The following PKD1L1 variants were observed in gnomAD, a reference collection of about 807,000 sequenced individuals.
PKD1L1 encodes polycystin 1 like 1, transient receptor potential channel interacting.
Under a neutral mutation model 323.4 loss-of-function variants are expected in PKD1L1, and 236 were observed. That is an observed-to-expected ratio of 0.73 (90% CI 0.66 to 0.81). The LOEUF is 0.81. Among genes scored for constraint, PKD1L1 ranks in the 40% least tolerant of loss-of-function variants. The probability of loss-of-function intolerance (pLI) is 0.00; values close to 1 mark genes in which losing one functional copy is unlikely to be tolerated. For missense variants in PKD1L1, 3,320 were observed against 3,508.0 expected, an observed-to-expected ratio of 0.95 and a Z score of 1.35; for synonymous variants, 1,344 against 1,335.0, an observed-to-expected ratio of 1.01 and a Z score of -0.15.
upstream of PKD1L1, among the ~76,000 whole-genome samples, chr7:47,950,041 C>G (rs1489940971): frequency 6.6e-6 from 1 of 152,182 alleles, no homozygotes; most frequent in Non-Finnish European, 1.5e-5. Flanking sequence ...TGCATACTTT[C>G]CAATTTCATT....
In PKD1L1 at chr7:47,833,153, C is replaced by G; in HGVS notation, c.6274G>C (p.Gly2092Arg). The G allele has an allele frequency of 6.2e-7, 1 of 1,612,718 alleles. No individual in the cohort carries two copies. Among genetic ancestry groups the G allele is most frequent in the Non-Finnish European group, 8.5e-7 (1 of 1,179,492 alleles). ...AGAGAAGTCCTGCTGTGGTCAGCCCCATGAACCTGCAGCTTAGGGGCTGGA... is the reference window on the plus strand; with the variant it reads ...AGAGAAGTCCTGCTGTGGTCAGCCCGATGAACCTGCAGCTTAGGGGCTGGA... ...ACPAPKLQVHGADHSRTSLMG... is the reference protein window; with the variant it reads ...ACPAPKLQVHRADHSRTSLMG... Residue 2092 changes from glycine to arginine, a missense_variant, in exon 41 of 57, where the codon GGG becomes CGG. Transcript: ENST00000289672.
chr7:47,784,735 A>G (rs1026265463), intron 56 of PKD1L1, among the ~76,000 whole-genome samples: 4 of 152,144 alleles, frequency 2.6e-5, no homozygotes, highest in Admixed American at 2.6e-4. Context: ...AGCCTCCCAA[A>G]GTGCTGGGAT....
At chr7:47,872,343 C>T (rs1786299568) in intron 24 of PKD1L1, among the ~76,000 whole-genome samples, 1 of 149,044 alleles carries the variant, frequency 6.7e-6, no homozygotes, top group Non-Finnish European at 1.5e-5. Flanking sequence ...ACCCAACCTT[C>T]TAAAAAGAAC....
Position 47,936,963 on chromosome 7 carries a change from AAGAAAAAATAATAAAATAATGTGAG to A in PKD1L1, c.286-30_286-6del, listed in dbSNP as rs759127903. Reference sequence around the variant, plus strand: ...ACTAGTTGTTTTCCAAATGTTCTGTAAGAAAAAATAATAAAATAATGTGAGAGAGCTGCTTATGAAAACCCAGTAC... The same window carrying A: ...ACTAGTTGTTTTCCAAATGTTCTGTAAGAGCTGCTTATGAAAACCCAGTAC... On this transcript the variant is annotated splice_polypyrimidine_tract_variant and splice_region_variant and intron_variant, in intron 3 of 56. Transcript: ENST00000289672. The A allele has an allele frequency of 2.5e-6, 4 of 1,591,700 alleles. No homozygotes were observed. The highest frequency in any genetic ancestry group is 3.4e-6 in the Non-Finnish European group (4 of 1,166,196).
rs774950335 is a variant in PKD1L1 at position 47,827,428 on chromosome 7, G to A, written c.6776C>T (p.Ala2259Val). Residue 2259 changes from alanine (A) to valine (V), a missense_variant, in exon 45 of 57, where the codon GCG (alanine) becomes GTG (valine). Ala to Val is a moderately conservative substitution (Grantham distance 64, BLOSUM62 0). Coordinates refer to ENST00000289672, the MANE Select transcript of PKD1L1 (RefSeq NM_138295.5). ...CAGCTGGGCCTTGGATGGTGGATGC[G>A]CCCAGCGCAGGTGGCGAGCTTGTTG... Reference protein sequence around the residue: ...ARQQARHLRWAHPPSKAQLRG... With the variant: ...ARQQARHLRWVHPPSKAQLRG... 12 of 1,612,680 alleles carry A rather than the reference G, an allele frequency of 7.4e-6. No homozygotes were observed. In the East Asian group the frequency reaches 1.1e-4, roughly 15 times the overall value.
At position 47,875,089 on chromosome 7, in the gene PKD1L1, A is replaced by G. The variant is rs138036211; in HGVS notation, c.3784+1008T>C. On this transcript the variant is annotated intron_variant, in intron 23 of 56. Coordinates refer to ENST00000289672, the MANE Select transcript of PKD1L1 (RefSeq NM_138295.5). ...TCTATTGGAACATTTGCCCAGCCTA[A>G]GTCTCACATAACCCCGTACGCAGCT... is the stretch of plus-strand genomic sequence containing the variant. Among the ~76,000 whole-genome samples the G allele has an allele frequency of 4.8e-3, 727 of 152,346 alleles. 6 individuals are homozygous for G. Among genetic ancestry groups the G allele is most frequent in the African/African-American group, 0.017 (701 of 41,568 alleles).
At chr7:47,927,552 C>A (rs1229544269) in intron 7 of PKD1L1, among the ~76,000 whole-genome samples, 1 of 152,152 alleles carries the variant, frequency 6.6e-6, no homozygotes, top group African/African-American at 2.4e-5. Flanking sequence ...GCGTGAGCCA[C>A]CACATCCAGC....
At chr7:47,781,656 G>A (rs1482382446) in intron 56 of PKD1L1, among the ~76,000 whole-genome samples, 9 of 151,838 alleles carry the variant, frequency 5.9e-5, no homozygotes, top group East Asian at 1.9e-4. Context: ...TGATCCGCCC[G>A]CCTCAGCCTC....
intron 31 of PKD1L1, among the ~76,000 whole-genome samples, chr7:47,847,499 T>C (rs1785690957): frequency 6.6e-6 from 1 of 152,200 alleles, no homozygotes; most frequent in African/African-American, 2.4e-5. Flanking sequence ...ACCCAGGGTC[T>C]AAACCCATTC....
chr7:47,917,286 G>T (rs1267050352), intron 7 of PKD1L1, among the ~76,000 whole-genome samples: 2 of 152,036 alleles, frequency 1.3e-5, no homozygotes, highest in Non-Finnish European at 2.9e-5. Context: ...AAAGAAAAAA[G>T]AATAAGAAAG....
intron 55 of PKD1L1, among the ~76,000 whole-genome samples, chr7:47,794,264 T>A (rs189040520): frequency 1.3e-5 from 2 of 152,290 alleles, no homozygotes; most frequent in African/African-American, 4.8e-5. Flanking sequence ...TCTCCCATCA[T>A]AGGCCTGGAT....
intron 50 of PKD1L1, among the ~76,000 whole-genome samples, chr7:47,811,568 C>A (rs1784895869): frequency 1.3e-5 from 2 of 152,208 alleles, no homozygotes; most frequent in African/African-American, 4.8e-5. Flanking sequence ...GAATTTGGTA[C>A]CTCAAGACAG....
At chr7:47,870,900 G>A (rs1396611160) in intron 24 of PKD1L1, among the ~76,000 whole-genome samples, 1 of 149,168 alleles carries the variant, frequency 6.7e-6, no homozygotes, top group Non-Finnish European at 1.5e-5. Context: ...TTGAGCCTAG[G>A]AGGTCAAGGC....
Position 47,943,395 on chromosome 7 carries a change from C to A in PKD1L1, c.160+1G>T, listed in dbSNP as rs753911740. ...CCATGCCTCCTTCCCCAAGGCCTTA[C>A]CGACCCACAATCCACCTCCAGGAGG... On this transcript the variant is annotated splice_donor_variant, in intron 2 of 56. Transcript: ENST00000289672. LOFTEE classifies it high-confidence loss of function. The A allele has an allele frequency of 2.5e-6, 4 of 1,612,276 alleles. No homozygotes were observed. The highest frequency in any genetic ancestry group is 3.4e-6 in the Non-Finnish European group (4 of 1,178,826).
At chr7:47,793,459 C>T (rs1388716849) in intron 55 of PKD1L1, among the ~76,000 whole-genome samples, 3 of 152,212 alleles carry the variant, frequency 2.0e-5, no homozygotes, top group Admixed American at 6.5e-5. Flanking sequence ...CAGGTGTTTC[C>T]GCTTTTGCAT....
intron 13 of PKD1L1, among the ~76,000 whole-genome samples, chr7:47,899,822 G>A (rs1012729434): frequency 4.6e-5 from 7 of 152,072 alleles, no homozygotes; most frequent in Non-Finnish European, 8.8e-5. Flanking sequence ...CAGGTGTGGT[G>A]GCGGACGCCT....
At chr7:47,947,530 C>G (rs1788121491) in intron 1 of PKD1L1, among the ~76,000 whole-genome samples, 1 of 152,226 alleles carries the variant, frequency 6.6e-6, no homozygotes, top group Non-Finnish European at 1.5e-5. Flanking sequence ...ACCTTGCTGG[C>G]CTCACGCCCA....
At chr7:47,861,108 C>T (rs1162442201) in intron 26 of PKD1L1, among the ~76,000 whole-genome samples, 1 of 152,126 alleles carries the variant, frequency 6.6e-6, no homozygotes, top group Admixed American at 6.5e-5. Context: ...AGGGAGACAC[C>T]CACTGAACAC....
chr7:47,868,820 A>C (rs1786223321), intron 24 of PKD1L1, among the ~76,000 whole-genome samples: 1 of 152,214 alleles, frequency 6.6e-6, no homozygotes, highest in South Asian at 2.1e-4. Context: ...GGTTGCAGTG[A>C]GCCGAGATCA....
Sources: allele counts gnomAD v4.1 joint callset (sites outside exome capture counted in the v4.1 genomes callset), GRCh38; gene constraint gnomAD v4.1.1; transcripts MANE v1.5; gene names NCBI Gene and HGNC (gene_info 2026-07-23, HGNC 2026-07-21).